The following ATP8A2 variants were observed in gnomAD, a reference collection of about 807,000 sequenced individuals.
The protein encoded by ATP8A2 is ATPase phospholipid transporting 8A2.
A neutral mutation model predicts 165.6 loss-of-function variants in ATP8A2; 100 were observed. The observed-to-expected ratio is 0.60, with a 90% CI of 0.51 to 0.71. ATP8A2 has a LOEUF of 0.71. Among genes scored for constraint, ATP8A2 ranks in the 30% least tolerant of loss-of-function variants. ATP8A2 has a pLI of 0.00. For synonymous variants in ATP8A2, 543 were observed against 548.8 expected (o/e 0.99, Z 0.15); for missense variants, 1,227 against 1,479.5 (o/e 0.83, Z 2.80).
intron 2 of ATP8A2, among the ~76,000 whole-genome samples, chr13:25,485,617 G>A (rs2137608548): frequency 6.6e-6 from 1 of 152,310 alleles, no homozygotes. Context: ...CTGCATCGAG[G>A]CTTCCTGTGA....
chr13:25,979,554 A>G (rs1431216514), intron 35 of ATP8A2, among the ~76,000 whole-genome samples: 1 of 152,192 alleles, frequency 6.6e-6, no homozygotes, highest in Admixed American at 6.5e-5. Flanking sequence ...AGGTGGTGGT[A>G]ATTGGGACTT....
At chr13:25,916,879 A>C (rs1400531899) in intron 33 of ATP8A2, among the ~76,000 whole-genome samples, 1 of 152,054 alleles carries the variant, frequency 6.6e-6, no homozygotes, top group African/African-American at 2.4e-5. Context: ...GTTTTTCTAT[A>C]TACCTCTTCT....
In ATP8A2 at chr13:26,023,094, T is replaced by C. The variant is rs1475409541; in HGVS notation, c.*3109T>C. 1 of 152,218 alleles carries C rather than the reference T, an allele frequency of 6.6e-6. No individual in the cohort carries two copies. The highest frequency in any genetic ancestry group is 1.5e-5 in the Non-Finnish European group (1 of 68,044). 9.4% of individuals were successfully genotyped at this position (152,218 alleles called of 1,614,324 possible). A position where few individuals can be genotyped will look rare whatever the true frequency, so the allele number is the denominator to read the frequency against. ...CACGTATCAGGAGAGCAGAGTAGTC[T>C]GGATGAATACTCTGTGCTGATCAGA... On this transcript the variant is annotated 3_prime_UTR_variant, in exon 37 of 37. Coordinates refer to ENST00000381655, the MANE Select transcript of ATP8A2 (RefSeq NM_016529.6).
chr13:25,646,564 A>G (rs1299708848), intron 24 of ATP8A2, among the ~76,000 whole-genome samples: 4 of 147,280 alleles, frequency 2.7e-5, no homozygotes, highest in Non-Finnish European at 5.9e-5. Flanking sequence ...GCTGAGGTAG[A>G]GAATTGCTTG....
intron 24 of ATP8A2, among the ~76,000 whole-genome samples, chr13:25,698,077 C>A (rs190945634): frequency 6.6e-6 from 1 of 152,180 alleles, no homozygotes; most frequent in African/African-American, 2.4e-5. Flanking sequence ...ACTTAATAGT[C>A]GTCTTCCAGA....
chr13:25,793,378 A>G (rs1389459771), intron 27 of ATP8A2, among the ~76,000 whole-genome samples: 1 of 152,186 alleles, frequency 6.6e-6, no homozygotes, highest in Non-Finnish European at 1.5e-5. Context: ...CACCCCAAAT[A>G]TTTTATGAAA....
chr13:25,485,547 C>T (rs956434231), intron 2 of ATP8A2, among the ~76,000 whole-genome samples: 1 of 152,254 alleles, frequency 6.6e-6, no homozygotes, highest in African/African-American at 2.4e-5. Flanking sequence ...CTGGGGGACA[C>T]ACCATTTCAC....
chr13:25,738,517 G>A (rs2043835952), intron 25 of ATP8A2, among the ~76,000 whole-genome samples: 2 of 152,244 alleles, frequency 1.3e-5, no homozygotes, highest in Admixed American at 6.5e-5. Flanking sequence ...GGAAGGAGGT[G>A]GAGAGCGAGC....
chr13:25,560,451 G>A (rs1180124035), intron 15 of ATP8A2, among the ~76,000 whole-genome samples: 1 of 151,920 alleles, frequency 6.6e-6, no homozygotes, highest in East Asian at 1.9e-4. Flanking sequence ...TGTAATCCCA[G>A]CACTTTGGGA....
At chr13:25,928,516 T>G (rs1020364799) in intron 33 of ATP8A2, among the ~76,000 whole-genome samples, 3 of 152,164 alleles carry the variant, frequency 2.0e-5, no homozygotes, top group Non-Finnish European at 4.4e-5. Context: ...GAGCAAGAAC[T>G]CCACGCAAAT....
In ATP8A2 at chr13:25,816,585, C is replaced by T. The variant is rs550358494; in HGVS notation, c.2680-11533C>T. On this transcript the variant is annotated intron_variant, in intron 27 of 36. Coordinates refer to ENST00000381655, the MANE Select transcript of ATP8A2 (RefSeq NM_016529.6). ...ACTTTTCTGCACTTCAGATACGTCC[C>T]ATGCCTGTCCCCAAACAGAGTGAAT... 2.0e-5 allele frequency among the ~76,000 whole-genome samples: 3 copies of T among 152,312 alleles called. No individual in the cohort carries two copies. In the East Asian group the frequency reaches 5.8e-4, roughly 29 times the overall value.
intron 25 of ATP8A2, among the ~76,000 whole-genome samples, chr13:25,748,945 A>T (rs2044096165): frequency 6.6e-6 from 1 of 152,218 alleles, no homozygotes. Flanking sequence ...CAATAACAGT[A>T]TGTGGAGATT....
intron 1 of ATP8A2, among the ~76,000 whole-genome samples, chr13:25,467,761 C>T (rs934179500): frequency 1.3e-5 from 2 of 151,964 alleles, no homozygotes; most frequent in Admixed American, 1.3e-4. Context: ...CCGTGTTAGC[C>T]GGGATGGTCT....
chr13:25,805,336 C>G (rs1265181437), intron 27 of ATP8A2, among the ~76,000 whole-genome samples: 2 of 151,976 alleles, frequency 1.3e-5, no homozygotes, highest in African/African-American at 4.8e-5. Flanking sequence ...TGGCAAAAAT[C>G]TATCTCTATA....
intron 25 of ATP8A2, among the ~76,000 whole-genome samples, chr13:25,720,198 C>G (rs2043347328): frequency 2.0e-5 from 2 of 100,806 alleles, no homozygotes; most frequent in Admixed American, 1.9e-4. Flanking sequence ...GAAGGAATCT[C>G]ACTCTGTCGC....
chr13:25,702,519 A>G (rs1230993634), intron 25 of ATP8A2, among the ~76,000 whole-genome samples: 1 of 152,190 alleles, frequency 6.6e-6, no homozygotes, highest in Non-Finnish European at 1.5e-5. Context: ...TGAAGTGTAA[A>G]CTGGTCCAGT....
chr13:25,641,893 CA>C (rs1160266053), intron 24 of ATP8A2, among the ~76,000 whole-genome samples: 1 of 151,796 alleles, frequency 6.6e-6, no homozygotes, highest in African/African-American at 2.4e-5. Context: ...GTACTGGTAC[CA>C]AAACAGAGAT....
chr13:25,510,342 G>T (rs2037186082), intron 2 of ATP8A2, among the ~76,000 whole-genome samples: 1 of 152,144 alleles, frequency 6.6e-6, no homozygotes, highest in South Asian at 2.1e-4. Context: ...AGAAGGATGT[G>T]GTTTGATGAA....
At chr13:25,842,827 TGAA>T (rs1951776897) in intron 30 of ATP8A2, among the ~76,000 whole-genome samples, 1 of 151,910 alleles carries the variant, frequency 6.6e-6, no homozygotes, top group Non-Finnish European at 1.5e-5. Flanking sequence ...GTTTAGGCAT[TGAA>T]GGGTCAGTGT....
Sources: gnomAD v4.1 joint callset for allele counts (sites outside exome capture counted in the v4.1 genomes callset) on GRCh38, gnomAD v4.1.1 for gene constraint, MANE v1.5 for transcripts, NCBI Gene and HGNC (gene_info 2026-07-23, HGNC 2026-07-21) for gene names.